TRIM9: variants seen among roughly 807,000 people sequenced by gnomAD.
The protein encoded by TRIM9 is E3 ubiquitin-protein ligase TRIM9.
In TRIM9, 26 loss-of-function variants were observed where a neutral mutation model predicts 78.3. That is an observed-to-expected ratio of 0.33 (90% CI 0.24 to 0.46). TRIM9 has a LOEUF of 0.46. Among genes scored for constraint, TRIM9 ranks in the 20% least tolerant of loss-of-function variants. The pLI is 1.00. For missense variants in TRIM9, 787 were observed against 1,036.4 expected, an observed-to-expected ratio of 0.76 and a Z score of 3.30; for synonymous variants, 398 against 416.5, an observed-to-expected ratio of 0.96 and a Z score of 0.54.
At chr14:50,979,225 T>C in intron 12 of TRIM9, 162 bp downstream of exon 12, 1 of 1,474,052 alleles carries the variant, frequency 6.8e-7, no homozygotes, top group Non-Finnish European at 9.0e-7. Flanking sequence ...TGGAATAAAA[T>C]AAGTTGCCAG....
chr14:51,017,498 A>C (rs1436620042), intron 3 of TRIM9, among the ~76,000 whole-genome samples: 1 of 152,250 alleles, frequency 6.6e-6, no homozygotes, highest in East Asian at 1.9e-4. Context: ...TAATGTATAG[A>C]ATACTGTATC....
At chr14:51,028,390 T>C (rs928324643) in intron 1 of TRIM9, among the ~76,000 whole-genome samples, 1 of 152,230 alleles carries the variant, frequency 6.6e-6, no homozygotes, top group African/African-American at 2.4e-5. Flanking sequence ...TATATGCACA[T>C]TGTTTTTATA....
intron 1 of TRIM9, among the ~76,000 whole-genome samples, chr14:51,039,153 C>T (rs907282666): frequency 1.3e-5 from 2 of 152,190 alleles, no homozygotes; most frequent in Admixed American, 6.5e-5. Flanking sequence ...AAGTGAGAGA[C>T]CACTACCCAG....
intron 1 of TRIM9, among the ~76,000 whole-genome samples, chr14:51,067,718 A>C (rs559872828): frequency 6.6e-6 from 1 of 152,194 alleles, no homozygotes; most frequent in Non-Finnish European, 1.5e-5. Flanking sequence ...TTTAGGTCTC[A>C]GTTCAGTGTT....
intron 1 of TRIM9, among the ~76,000 whole-genome samples, chr14:51,038,060 C>T (rs1028929336): frequency 6.6e-6 from 1 of 152,098 alleles, no homozygotes; most frequent in Non-Finnish European, 1.5e-5. Context: ...ATGCCCGAAT[C>T]CCCAGAACCG....
chr14:51,081,416 C>T (rs1243286835), intron 1 of TRIM9, among the ~76,000 whole-genome samples: 1 of 152,194 alleles, frequency 6.6e-6, no homozygotes, highest in African/African-American at 2.4e-5. Flanking sequence ...GATGGTATAG[C>T]TTCTTTGGAA....
At chr14:51,008,963 TA>T in intron 5 of TRIM9, 116 bp downstream of exon 5, 1 of 1,007,898 alleles carries the variant, frequency 9.9e-7, no homozygotes, top group Non-Finnish European at 1.5e-6. Flanking sequence ...TTTCATTACA[TA>T]AGTTAGAAGC....
intron 1 of TRIM9, among the ~76,000 whole-genome samples, chr14:51,030,759 G>A (rs1348650698): frequency 6.6e-6 from 1 of 152,042 alleles, no homozygotes; most frequent in African/African-American, 2.4e-5. Flanking sequence ...TGGCTTTGGG[G>A]GAGGCTCTTG....
intron 2 of TRIM9, 28 bp from the exon 3 acceptor site, chr14:51,022,985 G>A: frequency 6.2e-7 from 1 of 1,611,892 alleles, no homozygotes; most frequent in Non-Finnish European, 8.5e-7. Flanking sequence ...TTTCTCAACT[G>A]CAAGCTGCTG....
At chr14:51,053,283 ATACT>A (rs994331410) in intron 1 of TRIM9, among the ~76,000 whole-genome samples, 134 of 152,160 alleles carry the variant, frequency 8.8e-4, no homozygotes, top group African/African-American at 2.7e-3. Flanking sequence ...TATTTATGAA[ATACT>A]TAATTAATGA....
At chr14:51,075,097 A>T (rs1479185018) in intron 1 of TRIM9, among the ~76,000 whole-genome samples, 1 of 152,230 alleles carries the variant, frequency 6.6e-6, no homozygotes, top group Non-Finnish European at 1.5e-5. Flanking sequence ...CTGGGACCTT[A>T]GCTCTCATGT....
chr14:51,078,812 G>A (rs1300035659), intron 1 of TRIM9, among the ~76,000 whole-genome samples: 1 of 152,150 alleles, frequency 6.6e-6, no homozygotes, highest in Non-Finnish European at 1.5e-5. Flanking sequence ...AACAGGCCTG[G>A]AGATCGAATG....
chr14:50,982,169 T>A, intron 10 of TRIM9, 66 bp from the exon 11 acceptor site: 1 of 1,566,648 alleles, frequency 6.4e-7, no homozygotes, highest in African/African-American at 1.4e-5. Context: ...CATAACATAC[T>A]CCTGGGCGGG....
intron 3 of TRIM9, among the ~76,000 whole-genome samples, chr14:51,013,042 C>T (rs1013912208): frequency 2.6e-5 from 4 of 152,108 alleles, no homozygotes; most frequent in Non-Finnish European, 5.9e-5. Flanking sequence ...TCCAACTTAC[C>T]TATATTTTCT....
At chr14:50,989,356 G>C (rs944671490) in intron 7 of TRIM9, among the ~76,000 whole-genome samples, 3 of 152,280 alleles carry the variant, frequency 2.0e-5, no homozygotes, top group African/African-American at 7.2e-5. Flanking sequence ...CAGGAAGAAG[G>C]CACACACTAC....
chr14:51,070,547 T>C (rs1286510260), intron 1 of TRIM9, among the ~76,000 whole-genome samples: 1 of 152,092 alleles, frequency 6.6e-6, no homozygotes, highest in Non-Finnish European at 1.5e-5. Context: ...TTGGAATATT[T>C]GCATTATAAT....
At position 51,063,024 on chromosome 14, in the gene TRIM9, AC is replaced by A. The variant is rs1352699166; in HGVS notation, c.822+31093del. On this transcript the variant is annotated intron_variant, in intron 1 of 12. Coordinates refer to ENST00000684578, the MANE Select transcript of TRIM9 (RefSeq NM_001387360.1). ...GGAAGAAAAATCAAGCAACAGAAAC[AC>A]CCTGAGATGAGCCAGATGTTGGAAT... is the stretch of plus-strand genomic sequence containing the variant. Among the ~76,000 whole-genome samples the A allele has an allele frequency of 2.6e-5, 4 of 152,084 alleles. No homozygotes were observed. The South Asian group carries it at 6.2e-4, about 24-fold the overall frequency.
chr14:50,997,824 C>T (rs1162337331), intron 7 of TRIM9: 4 of 1,383,338 alleles, frequency 2.9e-6, no homozygotes, highest in Admixed American at 2.9e-5. Context: ...AGGAAGCCGC[C>T]GGCCCAAGCC....
At chr14:50,978,766 G>GT (rs201835548) in intron 12 of TRIM9, 55,960 of 320,852 alleles carry the variant, frequency 0.17, 3,092 homozygotes, top group African/African-American at 0.38. Context: ...CTGTTTTTTT[G>GT]TTTTTTTTTT....
Sources: allele counts gnomAD v4.1 joint callset (sites outside exome capture counted in the v4.1 genomes callset), GRCh38; gene constraint gnomAD v4.1.1; transcripts MANE v1.5; gene names NCBI Gene and HGNC (gene_info 2026-07-23, HGNC 2026-07-21).